SFXN5: variants seen among roughly 807,000 people sequenced by gnomAD.
SFXN5 encodes the protein sideroflexin-5.
A neutral mutation model predicts 50.2 loss-of-function variants in SFXN5; 43 were observed. That is an observed-to-expected ratio of 0.86 (90% CI 0.67 to 1.11). The LOEUF (loss-of-function observed/expected upper bound fraction) is 1.11. Ranked by LOEUF, SFXN5 falls within the 50% of genes least tolerant of loss-of-function variation. The pLI is 0.00. For missense variants in SFXN5, 463 were observed against 454.1 expected (o/e 1.02, Z -0.18); for synonymous variants, 203 against 185.8 (o/e 1.09, Z -0.75).
intron 13 of SFXN5, among the ~76,000 whole-genome samples, chr2:72,951,637 G>A (rs1160930794): frequency 1.3e-5 from 2 of 151,640 alleles, no homozygotes; most frequent in Non-Finnish European, 2.9e-5. Context: ...CCATTCTTGG[G>A]GGCTTTTACC....
chr2:73,016,542 T>C (rs937472898), intron 6 of SFXN5, among the ~76,000 whole-genome samples: 6 of 152,096 alleles, frequency 3.9e-5, no homozygotes, highest in African/African-American at 1.4e-4. Context: ...CCATCTCTAC[T>C]AAAAACACAA....
chr2:72,988,440 G>A (rs888496633), intron 9 of SFXN5, 92 bp from the exon 10 acceptor site: 1 of 1,074,322 alleles, frequency 9.3e-7, no homozygotes, highest in Non-Finnish European at 1.4e-6. Context: ...ACATCAGAGA[G>A]TGAGGGATGT....
Position 73,020,389 on chromosome 2 carries a change from G to A in SFXN5, c.332-125C>T, listed in dbSNP as rs1676717162. 3.5e-6 allele frequency: 3 copies of A among 860,270 alleles called. No individual in the cohort carries two copies. In the South Asian group the frequency reaches 4.7e-5, roughly 14 times the overall value. The allele number at this position is 860,270 out of a possible 1,614,324, so 53.3% of individuals were successfully genotyped here. On this transcript the variant is annotated intron_variant, in intron 5 of 13. Coordinates refer to ENST00000272433, the MANE Select transcript of SFXN5 (RefSeq NM_144579.3). ...TGATGAAGGGGCTCAGGTCAGTTAGGCGGGAGGCATCTCCTATCTCATAGA... is the reference window on the plus strand; with the variant it reads ...TGATGAAGGGGCTCAGGTCAGTTAGACGGGAGGCATCTCCTATCTCATAGA...
chr2:73,058,738 T>A (rs1682465788), intron 1 of SFXN5, 142 bp from the exon 2 acceptor site: 1 of 726,444 alleles, frequency 1.4e-6, no homozygotes, highest in Non-Finnish European at 2.3e-6. Flanking sequence ...CAATGAGGCC[T>A]CAGAAATCTA....
chr2:73,048,170 TTATA>T (rs1344363502), intron 2 of SFXN5, among the ~76,000 whole-genome samples: 1 of 152,246 alleles, frequency 6.6e-6, no homozygotes, highest in Non-Finnish European at 1.5e-5. Context: ...ATATGATTCC[TTATA>T]TATATTTATA....
chr2:73,050,463 G>A (rs865947671), intron 2 of SFXN5, among the ~76,000 whole-genome samples: 9 of 150,406 alleles, frequency 6.0e-5, no homozygotes, highest in African/African-American at 2.0e-4. Flanking sequence ...CAAGGCTTAC[G>A]CTTGTGCCCT....
intron 2 of SFXN5, among the ~76,000 whole-genome samples, chr2:73,050,770 T>C (rs1172674412): frequency 6.6e-6 from 1 of 152,240 alleles, no homozygotes; most frequent in Non-Finnish European, 1.5e-5. Context: ...AAATGGTCAC[T>C]TGGCCACACT....
At chr2:73,058,450 CTCCCT>C in intron 2 of SFXN5, 73 bp downstream of exon 2, 1 of 1,394,192 alleles carries the variant, frequency 7.2e-7, no homozygotes, top group Non-Finnish European at 1.0e-6. Context: ...CATCCTCACC[CTCCCT>C]TAATGACCCA....
chr2:73,010,647 C>T (rs1473037329), intron 6 of SFXN5, among the ~76,000 whole-genome samples: 1 of 152,132 alleles, frequency 6.6e-6, no homozygotes, highest in African/African-American at 2.4e-5. Context: ...CAAAGAAAAC[C>T]ACAATAAATC....
intron 10 of SFXN5, among the ~76,000 whole-genome samples, chr2:72,972,815 G>A (rs1670179282): frequency 6.6e-6 from 1 of 152,244 alleles, no homozygotes; most frequent in South Asian, 2.1e-4. Flanking sequence ...TGTATAATGA[G>A]TGTTTAATTT....
At chr2:73,057,062 C>T (rs1176834073) in intron 2 of SFXN5, among the ~76,000 whole-genome samples, 2 of 152,160 alleles carry the variant, frequency 1.3e-5, no homozygotes, top group East Asian at 3.9e-4. Flanking sequence ...AATTCTGGAA[C>T]ATCCTTTCAA....
At chr2:73,012,351 TG>T (rs1354395706) in intron 6 of SFXN5, among the ~76,000 whole-genome samples, 4 of 152,270 alleles carry the variant, frequency 2.6e-5, no homozygotes, top group Non-Finnish European at 5.9e-5. Flanking sequence ...AAAACATTCT[TG>T]GTGGTATTTT....
In SFXN5 at chr2:72,945,047, G is replaced by C. The variant is rs1282024075; in HGVS notation, c.998C>G (p.Thr333Arg). Residue 333 changes from threonine (T) to arginine (R), a missense_variant, in exon 14 of 14, where the codon ACA (threonine) becomes AGA (arginine). By Grantham distance (71) the Thr-to-Arg change is moderately conservative (BLOSUM62 -1). Coordinates refer to ENST00000272433, the MANE Select transcript of SFXN5 (RefSeq NM_144579.3). The surrounding 1 kb of genome is among the most constrained non-coding windows in gnomAD (Gnocchi z 5.8). ...PEIAQATSSR[T>R]VVYNKGL Reference sequence around the variant, plus strand: ...TCACAACCCCTTGTTGTACACCACTGTCCGGCTGCTCGTGGCCTGGGCTAT... The same window carrying C: ...TCACAACCCCTTGTTGTACACCACTCTCCGGCTGCTCGTGGCCTGGGCTAT... 2 of 1,613,842 alleles carry C rather than the reference G, an allele frequency of 1.2e-6. No homozygotes were observed. Among genetic ancestry groups the C allele is most frequent in the Non-Finnish European group, 1.7e-6 (2 of 1,179,924 alleles).
At position 72,944,963 on chromosome 2, in the gene SFXN5, G is replaced by C; in HGVS notation, c.*59C>G. The C allele has an allele frequency of 1.3e-6, 2 of 1,533,282 alleles. No individual in the cohort carries two copies. Among genetic ancestry groups the C allele is most frequent in the Non-Finnish European group, 1.8e-6 (2 of 1,115,510 alleles). The allele number at this position is 1,533,282 out of a possible 1,614,324, so 95.0% of individuals were successfully genotyped here. A position where few individuals can be genotyped will look rare whatever the true frequency, so the allele number is the denominator to read the frequency against. On this transcript the variant is annotated 3_prime_UTR_variant, in exon 14 of 14. Transcript: ENST00000272433. ...CCTGCAGGTGCAGCCGTGAGTCTAC[G>C]GCCCTGCCCCTCAGCTCCCCGGCTG...
chr2:73,071,292 C>A, intron 1 of SFXN5: 2 of 384,990 alleles, frequency 5.2e-6, no homozygotes, highest in Non-Finnish European at 9.4e-6. Context: ...CGCTCGAAGC[C>A]GGGCGCTCGG....
intron 1 of SFXN5, among the ~76,000 whole-genome samples, chr2:73,062,869 G>A (rs1488664723): frequency 6.6e-6 from 1 of 152,140 alleles, no homozygotes; most frequent in Non-Finnish European, 1.5e-5. Flanking sequence ...AGCAGAGGAG[G>A]GTATATGCAA....
chr2:72,990,814 A>G (rs1672500689), intron 9 of SFXN5, among the ~76,000 whole-genome samples: 1 of 152,220 alleles, frequency 6.6e-6, no homozygotes, highest in African/African-American at 2.4e-5. Flanking sequence ...GGATGCTTTA[A>G]TATCTCCAGG....
At chr2:73,069,172 G>T (rs1683394875) in intron 1 of SFXN5, among the ~76,000 whole-genome samples, 1 of 152,150 alleles carries the variant, frequency 6.6e-6, no homozygotes, top group Admixed American at 6.5e-5. Context: ...AAGGGCGTAG[G>T]GAGTCCCTTG....
At chr2:73,007,483 A>C (rs1417805066) in intron 6 of SFXN5, among the ~76,000 whole-genome samples, 1 of 152,012 alleles carries the variant, frequency 6.6e-6, no homozygotes, top group Admixed American at 6.6e-5. Context: ...TGACCCTCAC[A>C]GTGAGGTTAG....
Sources: gnomAD v4.1 joint callset for allele counts (sites outside exome capture counted in the v4.1 genomes callset) on GRCh38, gnomAD v4.1.1 for gene constraint, Gnocchi (gnomAD v3.1) non-coding constraint, MANE v1.5 for transcripts, NCBI Gene and HGNC (gene_info 2026-07-23, HGNC 2026-07-21) for gene names.